The following LUZP2 variants were observed in gnomAD, a reference collection of about 807,000 sequenced individuals.
LUZP2 encodes the protein leucine zipper protein 2.
A neutral mutation model predicts 51.6 loss-of-function variants in LUZP2; 52 were observed. That is an observed-to-expected ratio of 1.01 (90% CI 0.81 to 1.27). The LOEUF (loss-of-function observed/expected upper bound fraction) is 1.27, where lower values mean the gene tolerates loss of function less well. Among genes scored for constraint, LUZP2 ranks in the 50% most tolerant of loss-of-function variants. LUZP2 has a pLI of 0.00. For missense variants in LUZP2, 436 were observed against 395.4 expected, an observed-to-expected ratio of 1.10 and a Z score of -0.87; for synonymous variants, 154 against 137.3, an observed-to-expected ratio of 1.12 and a Z score of -0.85.
intron 5 of LUZP2, among the ~76,000 whole-genome samples, chr11:24,857,310 T>TAC (rs1565000584): frequency 8.2e-5 from 4 of 48,952 alleles, no homozygotes; most frequent in African/African-American, 3.2e-4. Context: ...TATACATATA[T>TAC]ATACACACAC....
chr11:25,024,262 C>G (rs1298262717), intron 9 of LUZP2, among the ~76,000 whole-genome samples: 1 of 152,064 alleles, frequency 6.6e-6, no homozygotes. Context: ...TCTCTCACCA[C>G]TCCTATTCAA....
chr11:24,623,427 A>C (rs1279613926), intron 1 of LUZP2, among the ~76,000 whole-genome samples: 1 of 152,126 alleles, frequency 6.6e-6, no homozygotes, highest in Non-Finnish European at 1.5e-5. Context: ...ACACAGATTC[A>C]TATAGAAGTT....
chr11:24,497,195 G>A lies in LUZP2; in HGVS notation c.-49G>A, dbSNP rs747101081. The A allele has an allele frequency of 4.5e-6, 6 of 1,321,372 alleles. No homozygotes were observed. The South Asian group carries it at 6.3e-5, about 14-fold the overall frequency. The allele number at this position is 1,321,372 out of a possible 1,614,324, so 81.9% of individuals were successfully genotyped here. On this transcript the variant is annotated 5_prime_UTR_variant, in exon 1 of 12. Transcript: ENST00000336930. ...CACCAAGGAGCGACAGGATCCCGAA[G>A]AGAGAGAGAGAAGGCAGCGAGGGAA...
chr11:24,952,548 C>T (rs999862120), intron 7 of LUZP2, among the ~76,000 whole-genome samples: 1 of 151,590 alleles, frequency 6.6e-6, no homozygotes. Context: ...TAGAGTGAAC[C>T]TCTTTAAATG....
chr11:25,020,744 C>T (rs1384967257), intron 9 of LUZP2, among the ~76,000 whole-genome samples: 1 of 151,728 alleles, frequency 6.6e-6, no homozygotes, highest in Non-Finnish European at 1.5e-5. Flanking sequence ...ATTTCTTTAA[C>T]AAATTAGGAC....
intron 1 of LUZP2, among the ~76,000 whole-genome samples, chr11:24,499,550 G>A (rs918099328): frequency 2.0e-5 from 3 of 152,220 alleles, no homozygotes; most frequent in African/African-American, 4.8e-5. Context: ...ACCTGGGACA[G>A]TGGGTTTTCT....
intron 1 of LUZP2, among the ~76,000 whole-genome samples, chr11:24,635,723 A>G (rs1161692619): frequency 6.6e-6 from 1 of 152,178 alleles, no homozygotes; most frequent in Non-Finnish European, 1.5e-5. Flanking sequence ...AGAAGCTGTC[A>G]GACCCTGTGA....
chr11:25,070,752 T>C (rs565603798), intron 10 of LUZP2, among the ~76,000 whole-genome samples: 1 of 148,184 alleles, frequency 6.7e-6, no homozygotes, highest in Non-Finnish European at 1.5e-5. Flanking sequence ...TAAAATGGCA[T>C]TGTGAATGAC....
chr11:25,078,036 A>T (rs1345369332), intron 11 of LUZP2, among the ~76,000 whole-genome samples: 1 of 152,198 alleles, frequency 6.6e-6, no homozygotes, highest in African/African-American at 2.4e-5. Flanking sequence ...AGGGATGATC[A>T]CACAGGCATA....
chr11:25,018,037 G>GTTTTTTTTTTTTTT (rs1410360304), intron 9 of LUZP2, among the ~76,000 whole-genome samples: 2 of 131,094 alleles, frequency 1.5e-5, no homozygotes, highest in Non-Finnish European at 3.2e-5. Flanking sequence ...TTTTGTTTCT[G>GTTTTTTTTTTTTTT]TTTTTTTTTT....
intron 9 of LUZP2, among the ~76,000 whole-genome samples, chr11:24,996,982 T>C (rs1296809332): frequency 6.6e-6 from 1 of 150,712 alleles, no homozygotes; most frequent in South Asian, 2.1e-4. Flanking sequence ...TATTCCATGG[T>C]GTATATGTGC....
intron 1 of LUZP2, among the ~76,000 whole-genome samples, chr11:24,676,962 C>T (rs1430210421): frequency 2.6e-5 from 4 of 152,108 alleles, no homozygotes; most frequent in African/African-American, 7.2e-5. Flanking sequence ...CCACCATGTC[C>T]GGCCAAGCCT....
intron 1 of LUZP2, among the ~76,000 whole-genome samples, chr11:24,507,878 A>C (rs190776129): frequency 6.6e-6 from 1 of 152,154 alleles, no homozygotes; most frequent in Admixed American, 6.5e-5. Context: ...TGTGTGAATT[A>C]AATAGAATGT....
At chr11:24,860,030 CA>C (rs1851690964) in intron 5 of LUZP2, among the ~76,000 whole-genome samples, 1 of 152,204 alleles carries the variant, frequency 6.6e-6, no homozygotes, top group Non-Finnish European at 1.5e-5. Context: ...TGCTAGGACT[CA>C]CAACTGCCTA....
chr11:24,849,776 C>T (rs1851328938), intron 5 of LUZP2, among the ~76,000 whole-genome samples: 1 of 152,162 alleles, frequency 6.6e-6, no homozygotes, highest in Non-Finnish European at 1.5e-5. Context: ...TCCACATCCT[C>T]TCCAGCATTT....
chr11:24,942,846 A>G (rs1016310834), intron 7 of LUZP2, among the ~76,000 whole-genome samples: 2 of 152,182 alleles, frequency 1.3e-5, no homozygotes, highest in African/African-American at 2.4e-5. Context: ...GATGTTTCAT[A>G]TATGTAGGCT....
chr11:24,578,934 C>T (rs1180205469), intron 1 of LUZP2, among the ~76,000 whole-genome samples: 2 of 151,926 alleles, frequency 1.3e-5, no homozygotes, highest in African/African-American at 4.8e-5. Flanking sequence ...TAAAAGTTGA[C>T]ATTATTTAAA....
chr11:24,937,432 A>G (rs1337085253), intron 7 of LUZP2, among the ~76,000 whole-genome samples: 1 of 152,352 alleles, frequency 6.6e-6, no homozygotes, highest in East Asian at 1.9e-4. Flanking sequence ...CTTCCAAGTT[A>G]TGTAGCAGGA....
At chr11:24,928,665 A>T (rs1854350964) in intron 7 of LUZP2, among the ~76,000 whole-genome samples, 1 of 152,072 alleles carries the variant, frequency 6.6e-6, no homozygotes, top group Admixed American at 6.6e-5. Context: ...ATCTGTGTTC[A>T]TCAAGGATTT....
Sources: allele counts gnomAD v4.1 joint callset (sites outside exome capture counted in the v4.1 genomes callset), GRCh38; gene constraint gnomAD v4.1.1; transcripts MANE v1.5; gene names NCBI Gene and HGNC (gene_info 2026-07-23, HGNC 2026-07-21).